The following DNAJB4 variants were observed in gnomAD, a reference collection of about 807,000 sequenced individuals.
DNAJB4 encodes dnaJ homolog subfamily B member 4.
In DNAJB4, 10 loss-of-function variants were observed where a neutral mutation model predicts 26.6. That is an observed-to-expected ratio of 0.38 (90% confidence interval 0.23 to 0.64). The LOEUF (loss-of-function observed/expected upper bound fraction) is 0.64. Among genes scored for constraint, DNAJB4 ranks in the 30% least tolerant of loss-of-function variants. The pLI is 0.58. For synonymous variants in DNAJB4, 136 were observed against 134.8 expected, an observed-to-expected ratio of 1.01 and a Z score of -0.06; for missense variants, 328 against 408.2, an observed-to-expected ratio of 0.80 and a Z score of 1.69.
At chr1:77,992,033 C>T (rs1447394261) in intron 1 of DNAJB4, among the ~76,000 whole-genome samples, 2 of 152,180 alleles carry the variant, frequency 1.3e-5, no homozygotes, top group Non-Finnish European at 2.9e-5. Context: ...CAGTGATTCA[C>T]TATTCTCTAA....
intron 1 of DNAJB4, among the ~76,000 whole-genome samples, chr1:78,009,775 G>A (rs1216451009): frequency 3.9e-5 from 6 of 151,980 alleles, no homozygotes; most frequent in East Asian, 1.9e-4. Flanking sequence ...ACAGGCGTGC[G>A]CCACCACGCC....
chr1:78,000,047 A>G (rs1408090759), upstream of DNAJB4, among the ~76,000 whole-genome samples: 3 of 152,242 alleles, frequency 2.0e-5, no homozygotes, highest in South Asian at 4.1e-4. Flanking sequence ...GGAAGTTTTA[A>G]TGATTTTAAA....
At chr1:77,987,848 T>G (rs1659830158) in intron 1 of DNAJB4, among the ~76,000 whole-genome samples, 1 of 151,654 alleles carries the variant, frequency 6.6e-6, no homozygotes, top group African/African-American at 2.4e-5. Context: ...TGCCAAATTC[T>G]TTAACCTTTT....
intron 2 of DNAJB4, among the ~76,000 whole-genome samples, chr1:78,015,430 T>C (rs1660607527): frequency 7.1e-6 from 1 of 139,864 alleles, no homozygotes; most frequent in Non-Finnish European, 1.5e-5. Flanking sequence ...TACTTCTCTT[T>C]TACCTTTTCT....
At chr1:78,014,764 C>G (rs1206763726) in intron 2 of DNAJB4, among the ~76,000 whole-genome samples, 1 of 152,004 alleles carries the variant, frequency 6.6e-6, no homozygotes, top group Non-Finnish European at 1.5e-5. Flanking sequence ...CCATGCCCAG[C>G]TGATTTTCAT....
At chr1:77,979,945 C>T (rs1659479054), upstream of DNAJB4, among the ~76,000 whole-genome samples, 1 of 151,934 alleles carries the variant, frequency 6.6e-6, no homozygotes, top group South Asian at 2.1e-4. Context: ...TGCAGTGGCG[C>T]GGTCTCGGCT....
At chr1:78,010,187 T>C (rs1360658351) in intron 1 of DNAJB4, among the ~76,000 whole-genome samples, 1 of 152,164 alleles carries the variant, frequency 6.6e-6, no homozygotes, top group Admixed American at 6.5e-5. Flanking sequence ...TTTCATGAAT[T>C]CATTATGGGT....
upstream of DNAJB4, among the ~76,000 whole-genome samples, chr1:78,002,498 A>G (rs1281976695): frequency 3.3e-5 from 5 of 152,200 alleles, no homozygotes; most frequent in Non-Finnish European, 7.4e-5. Context: ...TCTATTTGCA[A>G]TGGGTATATT....
intron 1 of DNAJB4, among the ~76,000 whole-genome samples, chr1:77,988,855 G>A (rs544997437): frequency 3.9e-5 from 6 of 152,240 alleles, no homozygotes; most frequent in Admixed American, 6.5e-5. Context: ...TGTTCATACT[G>A]TATCCCTAGC....
At chr1:78,009,003 T>G (rs534903947) in intron 1 of DNAJB4, among the ~76,000 whole-genome samples, 16 of 152,210 alleles carry the variant, frequency 1.1e-4, no homozygotes, top group African/African-American at 3.6e-4. Flanking sequence ...ATTTATTCAG[T>G]AACTTCAAAT....
rs939456859 is a variant in DNAJB4 at position 77,988,442 on chromosome 1, A to G, written c.-32+8120A>G. Among the ~76,000 whole-genome samples, 5 of 152,198 alleles carry G rather than the reference A, an allele frequency of 3.3e-5. No homozygotes were observed. The East Asian group carries it at 9.6e-4, about 29-fold the overall frequency. ...GTATCTTCCCTCAGAATGTAAGTCA[A>G]AGTCTTTAGTGGCCTACAAGCCTCT... is the stretch of plus-strand genomic sequence containing the variant. On this transcript the variant is annotated intron_variant, in intron 1 of 2. Transcript: ENST00000426517.
At chr1:78,011,859 T>A (rs1660485373) in intron 1 of DNAJB4, among the ~76,000 whole-genome samples, 1 of 151,160 alleles carries the variant, frequency 6.6e-6, no homozygotes, top group African/African-American at 2.4e-5. Flanking sequence ...TTTATTACAT[T>A]ATATTTTTAC....
At chr1:77,983,860 C>G (rs1243206835) in intron 1 of DNAJB4, among the ~76,000 whole-genome samples, 1 of 152,086 alleles carries the variant, frequency 6.6e-6, no homozygotes, top group African/African-American at 2.4e-5. Context: ...AGTGCAGACA[C>G]ACTTGAGAAC....
At chr1:78,000,139 TGTGA>T (rs1020739500), upstream of DNAJB4, among the ~76,000 whole-genome samples, 2 of 152,188 alleles carry the variant, frequency 1.3e-5, no homozygotes, top group Admixed American at 6.5e-5. Context: ...TGTGTGTATG[TGTGA>T]GTGTGTGTGC....
In DNAJB4 at chr1:77,989,598, A is replaced by G. The variant is rs1412770016; in HGVS notation, c.-32+9276A>G. 2.6e-5 allele frequency among the ~76,000 whole-genome samples: 4 copies of G among 152,204 alleles called. No homozygotes were observed. In the East Asian group the frequency reaches 7.7e-4, roughly 29 times the overall value. On this transcript the variant is annotated intron_variant, in intron 1 of 2. Transcript: ENST00000426517. ...TGAGGGCTCACCAGGATTAACTATT[A>G]CTACTGAAGCCAAAATCATTCTCAC...
rs1660666889 is a variant in DNAJB4 at position 78,017,345 on chromosome 1, G to C, written c.*1098G>C. 1.3e-5 allele frequency: 2 copies of C among 151,678 alleles called. No individual in the cohort carries two copies. Among genetic ancestry groups the C allele is most frequent in the Non-Finnish European group, 1.5e-5 (1 of 67,876 alleles). The allele number at this position is 151,678 out of a possible 1,614,324, so 9.4% of individuals were successfully genotyped here. A position where few individuals can be genotyped will look rare whatever the true frequency, so the allele number is the denominator to read the frequency against. ...TTTTGTTTTCTGTTTTATAACTATA[G>C]TGAGAATGATGTTTTGAAGCAAAAT... is the stretch of plus-strand genomic sequence containing the variant. On this transcript the variant is annotated 3_prime_UTR_variant, in exon 3 of 3. Transcript: ENST00000370763.
At chr1:77,992,087 GT>G (rs1447416134) in intron 1 of DNAJB4, among the ~76,000 whole-genome samples, 3 of 151,976 alleles carry the variant, frequency 2.0e-5, no homozygotes. Context: ...CATGGCAAAT[GT>G]TTTATAGAAC....
At chr1:77,987,124 G>A (rs1571423343) in intron 1 of DNAJB4, among the ~76,000 whole-genome samples, 3 of 152,300 alleles carry the variant, frequency 2.0e-5, no homozygotes, top group East Asian at 3.9e-4. Flanking sequence ...AGGGGTGAGG[G>A]AGAGGCCCCA....
upstream of DNAJB4, among the ~76,000 whole-genome samples, chr1:78,001,424 A>G (rs1219309107): frequency 6.6e-6 from 1 of 152,092 alleles, no homozygotes; most frequent in African/African-American, 2.4e-5. Flanking sequence ...CACAGGTGCG[A>G]TGGTAAAATA....
Sources: gnomAD v4.1 joint callset for allele counts (sites outside exome capture counted in the v4.1 genomes callset) on GRCh38, gnomAD v4.1.1 for gene constraint, MANE v1.5 for transcripts, NCBI Gene and HGNC (gene_info 2026-07-23, HGNC 2026-07-21) for gene names.